The following LDHAL6A variants were observed in gnomAD, a reference collection of about 807,000 sequenced individuals.
The protein encoded by LDHAL6A is L-lactate dehydrogenase A-like 6A.
A neutral mutation model predicts 28.2 loss-of-function variants in LDHAL6A; 19 were observed. The ratio of observed to expected loss-of-function variants is 0.67; its 90% CI spans 0.47 to 0.99. The LOEUF (loss-of-function observed/expected upper bound fraction) is 0.99. Among genes scored for constraint, LDHAL6A ranks in the 50% least tolerant of loss-of-function variants. LDHAL6A has a pLI of 0.00. For missense variants in LDHAL6A, 372 were observed against 398.6 expected (o/e 0.93, Z 0.57); for synonymous variants, 144 against 134.4 (o/e 1.07, Z -0.49).
intron 3 of LDHAL6A, among the ~76,000 whole-genome samples, chr11:18,471,227 T>TTGA (rs1554967865): frequency 1.4e-5 from 2 of 146,636 alleles, no homozygotes; most frequent in African/African-American, 5.0e-5. Context: ...TTTTTTTTTT[T>TTGA]GAGAGAGGGT....
At chr11:18,465,547 C>T in intron 2 of LDHAL6A, 90 bp from the exon 3 acceptor site, 5 of 1,060,078 alleles carry the variant, frequency 4.7e-6, no homozygotes, top group Non-Finnish European at 6.9e-6. Flanking sequence ...CTTTGGTAAA[C>T]ATAGTGTGGT....
In LDHAL6A at chr11:18,475,255, C is replaced by T. The variant is rs868848487; in HGVS notation, c.419-211C>T. The T allele has an allele frequency of 5.9e-5, 26 of 442,544 alleles. No individual in the cohort carries two copies. The Middle Eastern group carries it at 1.8e-3, about 31-fold the overall frequency. 27.4% of individuals were successfully genotyped at this position (442,544 alleles called of 1,614,324 possible). ...AGTGAACATTCTGTGTTTCTGCATA[C>T]CAAGCTGTGCAAAGTATCAACGAAA... On this transcript the variant is annotated intron_variant, in intron 3 of 6. Coordinates refer to ENST00000280706, the MANE Select transcript of LDHAL6A (RefSeq NM_144972.5).
intron 3 of LDHAL6A, among the ~76,000 whole-genome samples, chr11:18,471,298 C>T (rs1849252950): frequency 6.6e-6 from 1 of 151,330 alleles, no homozygotes; most frequent in Admixed American, 6.6e-5. Flanking sequence ...CAACCTCCGC[C>T]TCCTGGGTTC....
intron 5 of LDHAL6A, 81 bp downstream of exon 5, chr11:18,476,582 AAT>A (rs1468258084): frequency 9.2e-6 from 14 of 1,523,172 alleles, no homozygotes; most frequent in African/African-American, 8.4e-5. Flanking sequence ...TAGTCCCTTA[AAT>A]ATATGTTGTT....
At chr11:18,459,366 C>CT (rs1848839295) in intron 1 of LDHAL6A, among the ~76,000 whole-genome samples, 1 of 152,164 alleles carries the variant, frequency 6.6e-6, no homozygotes, top group Non-Finnish European at 1.5e-5. Flanking sequence ...CTTTTGAACT[C>CT]TGAGACCTAC....
chr11:18,459,763 G>A (rs898901838), intron 1 of LDHAL6A, among the ~76,000 whole-genome samples: 6 of 152,234 alleles, frequency 3.9e-5, no homozygotes, highest in African/African-American at 7.2e-5. Context: ...ACCACATGAC[G>A]TTTAGTCACT....
intron 1 of LDHAL6A, among the ~76,000 whole-genome samples, chr11:18,462,718 A>C (rs1194124934): frequency 6.6e-6 from 1 of 151,582 alleles, no homozygotes; most frequent in Non-Finnish European, 1.5e-5. Context: ...CTGTAATCCC[A>C]GCTACTCAGG....
chr11:18,468,014 C>CGT (rs1367500440), intron 3 of LDHAL6A, among the ~76,000 whole-genome samples: 7 of 59,964 alleles, frequency 1.2e-4, no homozygotes, highest in African/African-American at 5.7e-4. Flanking sequence ...TATATATATA[C>CGT]ATATATATAC....
At chr11:18,463,014 C>T (rs991747930) in intron 1 of LDHAL6A, among the ~76,000 whole-genome samples, 1 of 151,448 alleles carries the variant, frequency 6.6e-6, no homozygotes, top group Admixed American at 6.6e-5. Flanking sequence ...AAAGTAGCAT[C>T]ATAGAAATTA....
In LDHAL6A at chr11:18,456,663, C is replaced by A. The variant is rs780088857; in HGVS notation, c.-18C>A. 1.2e-6 allele frequency: 2 copies of A among 1,612,374 alleles called. No homozygotes were observed. Among genetic ancestry groups the A allele is most frequent in the African/African-American group, 2.7e-5 (2 of 74,838 alleles). ...TGGAAATGGCTGTGCAATTTGTCTT[C>A]ACTGTTAGGTTTCCAAGATGGCAAC... On this transcript the variant is annotated 5_prime_UTR_variant, in exon 1 of 7. An upstream open reading frame in the 5' UTR gains an earlier in-frame stop. Transcript: ENST00000280706.
At chr11:18,465,598 T>C in intron 2 of LDHAL6A, 39 bp from the exon 3 acceptor site, 1 of 1,557,504 alleles carries the variant, frequency 6.4e-7, no homozygotes, top group Non-Finnish European at 8.8e-7. Flanking sequence ...GCCAGATGTT[T>C]TCTTTCATAA....
In LDHAL6A at chr11:18,462,464, C is replaced by T. The variant is rs1339064087; in HGVS notation, c.127-1497C>T. On this transcript the variant is annotated intron_variant, in intron 1 of 6. Transcript: ENST00000280706. ...CATCCTGGCTAACACGGTGAAACCC[C>T]GTCTCTACTAAAAATACAAAAAATT... Among the ~76,000 whole-genome samples the T allele has an allele frequency of 2.0e-4, 30 of 151,514 alleles. 1 individual carries two copies. Among genetic ancestry groups the T allele is most frequent in the South Asian group, 2.1e-4 (1 of 4,798 alleles).
chr11:18,476,367 G>A lies in LDHAL6A; in HGVS notation c.593-17G>A, dbSNP rs770316859. 2 of 1,607,422 alleles carry A rather than the reference G, an allele frequency of 1.2e-6. No individual in the cohort carries two copies. Among genetic ancestry groups the A allele is most frequent in the Non-Finnish European group, 1.7e-6 (2 of 1,177,818 alleles). ...AATACCATGTAAGAAGTGGGATTTT[G>A]GGTGTCTCTTTCTTAGTTCCTGTGT... On this transcript the variant is annotated splice_polypyrimidine_tract_variant and intron_variant, in intron 4 of 6. Coordinates refer to ENST00000280706, the MANE Select transcript of LDHAL6A (RefSeq NM_144972.5).
At chr11:18,467,075 T>C (rs954551595) in intron 3 of LDHAL6A, among the ~76,000 whole-genome samples, 4 of 152,144 alleles carry the variant, frequency 2.6e-5, no homozygotes, top group Non-Finnish European at 5.9e-5. Flanking sequence ...CCTGAAATGA[T>C]ACTCAAGAGG....
chr11:18,464,977 G>GTTTTTGTTTTTTTT lies in LDHAL6A; in HGVS notation c.245-655_245-654insGTTTTTTTTTTTTT, dbSNP rs1849014791. Among the ~76,000 whole-genome samples the GTTTTTGTTTTTTTT allele has an allele frequency of 3.2e-5, 4 of 125,564 alleles. 1 individual carries two copies. The highest frequency in any genetic ancestry group is 4.2e-3 in the Middle Eastern group (1 of 236). The allele number at this position is 125,564 out of a possible 152,430, so 82.4% of individuals were successfully genotyped here. On this transcript the variant is annotated intron_variant, in intron 2 of 6. Coordinates refer to ENST00000280706, the MANE Select transcript of LDHAL6A (RefSeq NM_144972.5). ...TTTTAGGAGGTGAGGTGTTTTTTTT[G>GTTTTTGTTTTTTTT]TTTTTTTTTGTTTTGTTTTGTTTTG...
At chr11:18,462,286 A>G (rs1392254037) in intron 1 of LDHAL6A, among the ~76,000 whole-genome samples, 1 of 152,030 alleles carries the variant, frequency 6.6e-6, no homozygotes, top group East Asian at 1.9e-4. Flanking sequence ...GGATCACTTG[A>G]AGTCAGGAGT....
chr11:18,477,789 G>C (rs1185576567), intron 6 of LDHAL6A, 46 bp downstream of exon 6: 1 of 1,549,730 alleles, frequency 6.5e-7, no homozygotes, highest in Non-Finnish European at 8.7e-7. Context: ...CATAAAATAG[G>C]GGGGTAAAGA....
intron 3 of LDHAL6A, among the ~76,000 whole-genome samples, chr11:18,474,793 G>T (rs1231510839): frequency 2.6e-5 from 4 of 152,252 alleles, no homozygotes; most frequent in Admixed American, 2.6e-4. Context: ...GAGGCCAGGA[G>T]TTAGATCAGC....
intron 3 of LDHAL6A, chr11:18,468,483 C>T (rs548868568): frequency 6.6e-6 from 1 of 152,036 alleles, no homozygotes; most frequent in Admixed American, 6.6e-5. Context: ...GGATTATGGG[C>T]ACCCACCACC....
Sources: gnomAD v4.1 joint callset for allele counts (sites outside exome capture counted in the v4.1 genomes callset) on GRCh38, gnomAD v4.1.1 for gene constraint, MANE v1.5 for transcripts, NCBI Gene and HGNC (gene_info 2026-07-23, HGNC 2026-07-21) for gene names.